Variants in MGAT4C observed in about 807,000 individuals in gnomAD.
MGAT4C encodes alpha-1,3-mannosyl-glycoprotein 4-beta-N-acetylglucosaminyltransferase C.
In MGAT4C, 19 loss-of-function variants were observed where a neutral mutation model predicts 40.1. The observed-to-expected ratio is 0.47, with a 90% confidence interval of 0.33 to 0.70. The LOEUF is 0.70. MGAT4C is among the 30% of genes least tolerant of loss of function. The probability of loss-of-function intolerance (pLI) is 0.02; values close to 1 mark genes in which losing one functional copy is unlikely to be tolerated. For missense variants in MGAT4C, 491 were observed against 563.2 expected, an observed-to-expected ratio of 0.87 and a Z score of 1.30; for synonymous variants, 181 against 187.1, an observed-to-expected ratio of 0.97 and a Z score of 0.27.
chr12:86,073,934 CA>C (rs757834969), intron 1 of MGAT4C, among the ~76,000 whole-genome samples: 3 of 151,934 alleles, frequency 2.0e-5, no homozygotes, highest in African/African-American at 7.3e-5. Context: ...TTGGAGGGGC[CA>C]GGGGTGAAAT....
intron 4 of MGAT4C, among the ~76,000 whole-genome samples, chr12:85,981,670 G>A (rs867815781): frequency 6.6e-6 from 1 of 152,038 alleles, no homozygotes; most frequent in East Asian, 1.9e-4. Flanking sequence ...TGTTCAAAAC[G>A]GTCTTTTGGG....
At chr12:86,075,853 T>G (rs1295965955) in intron 1 of MGAT4C, among the ~76,000 whole-genome samples, 1 of 152,178 alleles carries the variant, frequency 6.6e-6, no homozygotes, top group East Asian at 1.9e-4. Flanking sequence ...CTTTTCCTCC[T>G]GGGCCTCTGG....
intron 1 of MGAT4C, among the ~76,000 whole-genome samples, chr12:86,096,872 C>A (rs745704399): frequency 4.0e-5 from 6 of 151,606 alleles, no homozygotes; most frequent in Non-Finnish European, 5.9e-5. Flanking sequence ...TGTCTCAGTA[C>A]CTGCAATCAT....
chr12:85,965,865 T>A lies in MGAT4C; in HGVS notation c.*13424A>T, dbSNP rs1883338631. 6.6e-6 allele frequency: 1 copy of A among 152,062 alleles called. No homozygotes were observed. The highest frequency in any genetic ancestry group is 2.1e-4 in the South Asian group (1 of 4,824). The allele number at this position is 152,062 out of a possible 1,614,324, so 9.4% of individuals were successfully genotyped here. On this transcript the variant is annotated 3_prime_UTR_variant, in exon 5 of 5. Coordinates refer to ENST00000611864, the MANE Select transcript of MGAT4C (RefSeq NM_001351288.2). ...TTACTTATCTGTATTATTTCTCCAT[T>A]TAAAAGTGGACAAATTTTTATACTA...
At chr12:86,665,861 G>A (rs1041116904) in intron 2 of MGAT4C, among the ~76,000 whole-genome samples, 3 of 152,092 alleles carry the variant, frequency 2.0e-5, no homozygotes, top group African/African-American at 7.2e-5. Context: ...GCCTAAAGTT[G>A]AGACTATTTT....
chr12:86,329,530 T>C (rs1244751247), intron 4 of MGAT4C, among the ~76,000 whole-genome samples: 1 of 152,200 alleles, frequency 6.6e-6, no homozygotes, highest in Non-Finnish European at 1.5e-5. Context: ...CTAAACACCT[T>C]CTTCATACCT....
chr12:86,049,905 C>CTG (rs1287916761), intron 1 of MGAT4C, among the ~76,000 whole-genome samples, 182 bp from the exon 2 acceptor site: 1 of 151,820 alleles, frequency 6.6e-6, no homozygotes, highest in African/African-American at 2.4e-5. Context: ...CATAATTTAT[C>CTG]TGTGTATGCA....
chr12:85,967,390 T>G lies in MGAT4C; in HGVS notation c.*11899A>C, dbSNP rs557081432. The G allele has an allele frequency of 6.6e-6, 1 of 152,158 alleles. No individual in the cohort carries two copies. Among genetic ancestry groups the G allele is most frequent in the Non-Finnish European group, 1.5e-5 (1 of 68,002 alleles). 9.4% of individuals were successfully genotyped at this position (152,158 alleles called of 1,614,324 possible). ...AGCTGTCAAATAATTATAAGAAATC[T>G]CTATACATTACGTTTTAAAATACAT... is the stretch of plus-strand genomic sequence containing the variant. On this transcript the variant is annotated 3_prime_UTR_variant, in exon 5 of 5. Coordinates refer to ENST00000611864, the MANE Select transcript of MGAT4C (RefSeq NM_001351288.2).
At chr12:86,573,633 T>C (rs1245982847) in intron 2 of MGAT4C, among the ~76,000 whole-genome samples, 1 of 152,050 alleles carries the variant, frequency 6.6e-6, no homozygotes, top group Non-Finnish European at 1.5e-5. Flanking sequence ...ATGTGAACTT[T>C]CTTTACTATT....
intron 2 of MGAT4C, among the ~76,000 whole-genome samples, chr12:86,615,421 G>C (rs1249452023): frequency 6.6e-6 from 1 of 152,002 alleles, no homozygotes; most frequent in Admixed American, 6.6e-5. Context: ...TTAACACCTT[G>C]AAACAGCAAA....
intron 1 of MGAT4C, among the ~76,000 whole-genome samples, chr12:86,054,786 C>T (rs1403838931): frequency 6.6e-6 from 1 of 151,738 alleles, no homozygotes; most frequent in African/African-American, 2.4e-5. Context: ...TTAGGTTTAT[C>T]TAGTTCATAG....
chr12:86,200,531 A>C (rs1480627721), intron 1 of MGAT4C, among the ~76,000 whole-genome samples: 1 of 152,024 alleles, frequency 6.6e-6, no homozygotes, highest in Admixed American at 6.6e-5. Context: ...CAGTTGTTTC[A>C]ATTTTAGGCC....
chr12:86,033,540 C>T (rs905052345), intron 2 of MGAT4C, among the ~76,000 whole-genome samples: 7 of 148,962 alleles, frequency 4.7e-5, no homozygotes, highest in Admixed American at 4.1e-4. Context: ...GGATTGCATT[C>T]GTGATTTGGC....
At chr12:86,767,751 A>G (rs1383242573) in intron 1 of MGAT4C, among the ~76,000 whole-genome samples, 4 of 152,184 alleles carry the variant, frequency 2.6e-5, no homozygotes, top group Non-Finnish European at 1.5e-5. Context: ...TATAAACAGA[A>G]CCAAAGACAA....
chr12:85,986,176 C>T (rs1885177883), intron 3 of MGAT4C, among the ~76,000 whole-genome samples: 1 of 152,172 alleles, frequency 6.6e-6, no homozygotes, highest in African/African-American at 2.4e-5. Flanking sequence ...CCTGAGTCAG[C>T]CTTGTTGGCT....
At chr12:86,759,264 T>C (rs1178039049) in intron 1 of MGAT4C, among the ~76,000 whole-genome samples, 1 of 152,156 alleles carries the variant, frequency 6.6e-6, no homozygotes, top group Non-Finnish European at 1.5e-5. Flanking sequence ...ATATATACCA[T>C]GGTGTTTTTT....
intron 2 of MGAT4C, among the ~76,000 whole-genome samples, chr12:86,719,307 G>A (rs1386537320): frequency 1.3e-5 from 2 of 152,076 alleles, no homozygotes; most frequent in Non-Finnish European, 2.9e-5. Flanking sequence ...ATCCATGCAC[G>A]TAAGAAGCTC....
At chr12:86,671,479 A>G (rs1412130065) in intron 2 of MGAT4C, among the ~76,000 whole-genome samples, 1 of 152,170 alleles carries the variant, frequency 6.6e-6, no homozygotes, top group African/African-American at 2.4e-5. Flanking sequence ...ATTCTTAATG[A>G]AAGGATACTT....
chr12:86,774,281 C>CTCTTTCTTTCTTTCTTTCTTTCTT (rs6144795), intron 1 of MGAT4C, among the ~76,000 whole-genome samples: 1,336 of 58,914 alleles, frequency 0.023, 165 homozygotes, highest in African/African-American at 0.041. Flanking sequence ...CTAAGGCTTG[C>CTCTTTCTTTCTTTCTTTCTTTCTT]TCTTTCTTTC....
Sources: gnomAD v4.1 joint callset for allele counts (sites outside exome capture counted in the v4.1 genomes callset) on GRCh38, gnomAD v4.1.1 for gene constraint, MANE v1.5 for transcripts, NCBI Gene and HGNC (gene_info 2026-07-23, HGNC 2026-07-21) for gene names.